The following MSRA variants were observed in gnomAD, a reference collection of about 807,000 sequenced individuals.
MSRA encodes methionine sulfoxide reductase A.
MSRA carries 54 observed loss-of-function variants against 31.3 expected under a neutral mutation model. The ratio of observed to expected loss-of-function variants is 1.73; its 90% CI spans 1.39 to 2.17. The LOEUF (loss-of-function observed/expected upper bound fraction) is 2.17. Ranked by LOEUF, MSRA falls within the 30% of genes most tolerant of loss-of-function variation. The pLI is 0.00. For missense variants in MSRA, 507 were observed against 300.9 expected, an observed-to-expected ratio of 1.69 and a Z score of -5.07; for synonymous variants, 169 against 116.5, an observed-to-expected ratio of 1.45 and a Z score of -2.90.
chr8:10,302,213 G>A (rs1800886223), intron 4 of MSRA, among the ~76,000 whole-genome samples: 1 of 152,212 alleles, frequency 6.6e-6, no homozygotes, highest in South Asian at 2.1e-4. Context: ...TATAAACAAT[G>A]GTGGTTGGAA....
intron 1 of MSRA, among the ~76,000 whole-genome samples, chr8:10,169,807 A>C (rs930344560): frequency 5.3e-5 from 8 of 151,948 alleles, no homozygotes; most frequent in African/African-American, 1.9e-4. Context: ...TTATTTTTTA[A>C]TAATTTGTTT....
intron 2 of MSRA, among the ~76,000 whole-genome samples, chr8:10,231,111 A>G (rs145939364): frequency 2.6e-5 from 4 of 152,190 alleles, no homozygotes; most frequent in South Asian, 2.1e-4. Flanking sequence ...AAGAAGGAAG[A>G]TGACAGGTTT....
At chr8:10,057,157 A>C (rs983089305) in intron 1 of MSRA, among the ~76,000 whole-genome samples, 8 of 152,202 alleles carry the variant, frequency 5.3e-5, no homozygotes, top group Non-Finnish European at 1.2e-4. Context: ...GAACAGGCCT[A>C]CTTGGGTGAG....
In MSRA at chr8:10,202,335, A is replaced by G. The variant is rs549065660; in HGVS notation, c.143-5498A>G. ...ATTTCTTGGTTGTAAAGAACTTGCTATTTTCCCATTGTGGAGTGGAAAGTA... is the reference window on the plus strand; with the variant it reads ...ATTTCTTGGTTGTAAAGAACTTGCTGTTTTCCCATTGTGGAGTGGAAAGTA... On this transcript the variant is annotated intron_variant, in intron 1 of 5. Transcript: ENST00000317173. 7.9e-5 allele frequency among the ~76,000 whole-genome samples: 12 copies of G among 152,194 alleles called. No individual in the cohort carries two copies. The East Asian group carries it at 1.5e-3, about 20-fold the overall frequency.
chr8:10,160,323 G>T (rs994994355), intron 1 of MSRA, among the ~76,000 whole-genome samples: 3 of 151,870 alleles, frequency 2.0e-5, no homozygotes, highest in African/African-American at 7.3e-5. Flanking sequence ...GTTAAACTCC[G>T]TCTCTACTAA....
At chr8:10,258,647 A>G (rs1236444931) in intron 3 of MSRA, among the ~76,000 whole-genome samples, 2 of 152,218 alleles carry the variant, frequency 1.3e-5, no homozygotes, top group Non-Finnish European at 2.9e-5. Flanking sequence ...GAGTTGGAGA[A>G]TATCATGAGA....
intron 5 of MSRA, among the ~76,000 whole-genome samples, chr8:10,392,131 A>G (rs1167976051): frequency 6.6e-6 from 1 of 152,178 alleles, no homozygotes; most frequent in Non-Finnish European, 1.5e-5. Context: ...GCCCTTGAGA[A>G]TGGAGCTTTC....
At chr8:10,411,161 C>G (rs192855026) in intron 5 of MSRA, 1 of 152,282 alleles carries the variant, frequency 6.6e-6, no homozygotes, top group East Asian at 1.9e-4. Flanking sequence ...GGCCAGAGTC[C>G]TCCGAAGACG....
At chr8:10,248,944 A>T (rs2129084899) in intron 3 of MSRA, among the ~76,000 whole-genome samples, 1 of 152,240 alleles carries the variant, frequency 6.6e-6, no homozygotes, top group East Asian at 1.9e-4. Context: ...CTTGGAAGAG[A>T]GATTGGTTTC....
At chr8:10,252,239 C>G (rs1008040416) in intron 3 of MSRA, among the ~76,000 whole-genome samples, 7 of 152,200 alleles carry the variant, frequency 4.6e-5, no homozygotes, top group African/African-American at 1.7e-4. Flanking sequence ...CTTCTCAGAT[C>G]ACAGTGTGAC....
intron 1 of MSRA, among the ~76,000 whole-genome samples, chr8:10,176,109 G>A (rs912580719): frequency 3.3e-5 from 5 of 152,176 alleles, no homozygotes; most frequent in African/African-American, 1.2e-4. Context: ...CTGTAATAAT[G>A]GAAATCTGTG....
At chr8:10,092,939 TTCTTTA>T (rs1301051665) in intron 1 of MSRA, among the ~76,000 whole-genome samples, 1 of 152,228 alleles carries the variant, frequency 6.6e-6, no homozygotes, top group Non-Finnish European at 1.5e-5. Context: ...TAAAACGTCC[TTCTTTA>T]TCTTTAGTAG....
intron 2 of MSRA, among the ~76,000 whole-genome samples, chr8:10,211,282 C>G (rs1039413728): frequency 6.6e-6 from 1 of 152,150 alleles, no homozygotes; most frequent in Non-Finnish European, 1.5e-5. Flanking sequence ...TAAAAACTGT[C>G]GCTGGCATAC....
rs117211268 is a variant in MSRA at position 10,057,755 on chromosome 8, A to G, written c.142+3097A>G. On this transcript the variant is annotated intron_variant, in intron 1 of 5. Transcript: ENST00000317173. Reference sequence around the variant, plus strand: ...TTCTCTCCTGCTCCTTTGTGTGGAGATGTGCCAGCTTCCTCTTCTGCCATG... The same window carrying G: ...TTCTCTCCTGCTCCTTTGTGTGGAGGTGTGCCAGCTTCCTCTTCTGCCATG... Among the ~76,000 whole-genome samples the G allele has an allele frequency of 2.7e-3, 409 of 152,128 alleles. 2 individuals carry two copies. Among genetic ancestry groups the G allele is most frequent in the Non-Finnish European group, 4.3e-3 (292 of 67,990 alleles).
intron 5 of MSRA, among the ~76,000 whole-genome samples, chr8:10,332,887 A>G (rs1014697843): frequency 1.3e-5 from 2 of 152,240 alleles, no homozygotes; most frequent in African/African-American, 4.8e-5. Context: ...TCTGGTTTGT[A>G]TGACTGCCCT....
At position 10,141,706 on chromosome 8, in the gene MSRA, G is replaced by A. The variant is rs181825308; in HGVS notation, c.143-66127G>A. ...ACCAGAGTGAAGGAACTCACCTCTT[G>A]ACAAATGCCTGCTTTTTTTTTTTTT... is the stretch of plus-strand genomic sequence containing the variant. On this transcript the variant is annotated intron_variant, in intron 1 of 5. Coordinates refer to ENST00000317173, the MANE Select transcript of MSRA (RefSeq NM_012331.5). Among the ~76,000 whole-genome samples the A allele has an allele frequency of 3.6e-4, 54 of 151,880 alleles. No individual in the cohort carries two copies. In the East Asian group the frequency reaches 8.5e-3, roughly 24 times the overall value.
rs571765826 is a variant in MSRA, at chr8:10,366,676, A to C, written c.543+46687A>C. On this transcript the variant is annotated intron_variant, in intron 5 of 5. Transcript: ENST00000317173. ...TTGTACCTGTAACAGTACCTGCTAC[A>C]CTGGCCAGGCTTCGTTGCTGGGGAC... is the stretch of plus-strand genomic sequence containing the variant. Among the ~76,000 whole-genome samples the C allele has an allele frequency of 3.3e-5, 5 of 152,284 alleles. No homozygotes were observed. In the East Asian group the frequency reaches 9.7e-4, roughly 29 times the overall value.
chr8:10,428,265 G>T lies in MSRA; in HGVS notation c.661G>T (p.Gly221Cys), dbSNP rs543375336. The T allele has an allele frequency of 6.2e-7, 1 of 1,613,910 alleles. No individual in the cohort carries two copies. The highest frequency in any genetic ancestry group is 1.3e-5 in the African/African-American group (1 of 74,888). Reference protein sequence around the residue: ...YLSKNPNGYCGLGGTGVSCPV... With the variant: ...YLSKNPNGYCCLGGTGVSCPV... ...GAGCAAGAACCCCAATGGCTACTGC[G>T]GCCTTGGGGGCACCGGCGTGTCCTG... Residue 221 changes from glycine (G) to cysteine (C), a missense_variant, in exon 6 of 6, where the codon GGC becomes TGC. Physicochemically the swap from Gly to Cys is radical, Grantham distance 159. Transcript: ENST00000317173.
At chr8:10,248,334 C>T (rs1454085833) in intron 3 of MSRA, among the ~76,000 whole-genome samples, 10 of 152,174 alleles carry the variant, frequency 6.6e-5, no homozygotes, top group Admixed American at 6.5e-4. Flanking sequence ...CTTAAGGTAC[C>T]ATGTGGTTTC....
Sources: gnomAD v4.1 joint callset for allele counts (sites outside exome capture counted in the v4.1 genomes callset) on GRCh38, gnomAD v4.1.1 for gene constraint, MANE v1.5 for transcripts, NCBI Gene and HGNC (gene_info 2026-07-23, HGNC 2026-07-21) for gene names.